SLC33A1: variants seen among roughly 807,000 people sequenced by gnomAD.
SLC33A1 encodes the protein acetyl-coenzyme A transporter 1.
Under a neutral mutation model 50.0 loss-of-function variants are expected in SLC33A1, and 20 were observed. The observed-to-expected ratio is 0.40, with a 90% CI of 0.28 to 0.58. SLC33A1 has a LOEUF of 0.58. SLC33A1 is among the 20% of genes least tolerant of loss of function. SLC33A1 has a pLI of 0.44. For missense variants in SLC33A1, 476 were observed against 657.0 expected (o/e 0.72, Z 3.01); for synonymous variants, 265 against 251.8 (o/e 1.05, Z -0.50).
chr3:155,834,756 G>A (rs1752583551), intron 2 of SLC33A1, among the ~76,000 whole-genome samples: 1 of 152,084 alleles, frequency 6.6e-6, no homozygotes, highest in South Asian at 2.1e-4. Context: ...ACATGATATG[G>A]CTTTCAGTAT....
chr3:155,831,712 A>G (rs1295901530), intron 4 of SLC33A1, among the ~76,000 whole-genome samples: 1 of 152,112 alleles, frequency 6.6e-6, no homozygotes, highest in African/African-American at 2.4e-5. Context: ...TTGACTAGTT[A>G]AAGTATTTCT....
chr3:155,830,230 G>A (rs987524819), intron 4 of SLC33A1, among the ~76,000 whole-genome samples: 44 of 151,214 alleles, frequency 2.9e-4, no homozygotes, highest in African/African-American at 2.4e-4. Context: ...AAAAATAGCC[G>A]GATGTGGTGG....
intron 5 of SLC33A1, 43 bp downstream of exon 5, chr3:155,829,645 C>A (rs755936101): frequency 1.5e-6 from 2 of 1,319,986 alleles, no homozygotes; most frequent in Non-Finnish European, 2.2e-6. Context: ...ATATTAATAT[C>A]TTAGTATTAG....
intron 1 of SLC33A1, among the ~76,000 whole-genome samples, chr3:155,848,128 G>T (rs6790836): frequency 0.2 from 30,102 of 152,048 alleles, 7,589 homozygotes; most frequent in African/African-American, 0.58. Flanking sequence ...GATGATAGAT[G>T]AGACAGATTT....
chr3:155,842,337 T>C, intron 2 of SLC33A1, 95 bp downstream of exon 2: 2 of 715,384 alleles, frequency 2.8e-6, no homozygotes, highest in South Asian at 3.5e-5. Flanking sequence ...CTAATGGTAG[T>C]GGAAAGGGAC....
At chr3:155,834,444 A>G (rs1331046221) in intron 2 of SLC33A1, among the ~76,000 whole-genome samples, 2 of 152,164 alleles carry the variant, frequency 1.3e-5, no homozygotes, top group African/African-American at 4.8e-5. Context: ...CTGCCAATAT[A>G]TATATACATT....
intron 1 of SLC33A1, among the ~76,000 whole-genome samples, chr3:155,844,457 A>ATTTTTT (rs869180951): frequency 3.0e-5 from 1 of 33,590 alleles, no homozygotes; most frequent in Non-Finnish European, 5.8e-5. Flanking sequence ...ATATATATAT[A>ATTTTTT]TTTTTTTTTT....
In SLC33A1 at chr3:155,838,603, C is replaced by G. The variant is rs191811400; in HGVS notation, c.963+3829G>C. The stretch of plus-strand genomic sequence containing the variant: ...GGCTGAGGCAGGAGAATTGCTTGAA[C>G]CCGGGAGGAGGAGGTTGCAGTGAGC... On this transcript the variant is annotated intron_variant, in intron 2 of 5. Transcript: ENST00000643144. 8.2e-3 allele frequency among the ~76,000 whole-genome samples: 1,239 copies of G among 150,900 alleles called. 9 individuals carry two copies. Among genetic ancestry groups the G allele is most frequent in the Non-Finnish European group, 0.015 (993 of 67,714 alleles).
chr3:155,839,300 C>CAAAAA (rs550171374), intron 2 of SLC33A1, among the ~76,000 whole-genome samples: 1 of 25,702 alleles, frequency 3.9e-5, no homozygotes, highest in Non-Finnish European at 1.6e-4. Context: ...AACTCCGCCT[C>CAAAAA]AAAAAAAAAA....
chr3:155,839,512 C>G (rs761085354), intron 2 of SLC33A1, among the ~76,000 whole-genome samples: 1 of 150,964 alleles, frequency 6.6e-6, no homozygotes, highest in Non-Finnish European at 1.5e-5. Flanking sequence ...AATGAGATTA[C>G]GGAAAATTTA....
chr3:155,848,095 A>G (rs1270710892), intron 1 of SLC33A1, among the ~76,000 whole-genome samples: 1 of 152,180 alleles, frequency 6.6e-6, no homozygotes, highest in African/African-American at 2.4e-5. Flanking sequence ...GAAGACATAG[A>G]TTAGATAGAT....
Position 155,853,677 on chromosome 3 carries a change from T to A in SLC33A1, c.321A>T (p.Thr107=). ...AGACAAAACTGAAGAAAGCTTGGTC[T>A]GTATAGCTAACATTTTTGCTTTGCA... ...LILQSKNVSY[T]DQAFFSFVFW... Residue 107 remains threonine, a synonymous_variant, in exon 1 of 6, where the codon ACA becomes ACT. Coordinates refer to ENST00000643144, the MANE Select transcript of SLC33A1 (RefSeq NM_004733.4). 1 of 1,614,192 alleles carries A rather than the reference T, an allele frequency of 6.2e-7. No individual in the cohort carries two copies. The highest frequency in any genetic ancestry group is 8.5e-7 in the Non-Finnish European group (1 of 1,180,028).
intron 1 of SLC33A1, 140 bp downstream of exon 1, chr3:155,853,083 C>G: frequency 1.4e-6 from 1 of 735,162 alleles, no homozygotes; most frequent in Non-Finnish European, 2.3e-6. Flanking sequence ...CAAAGAAGCT[C>G]ATTTGGACGA....
At chr3:155,836,012 C>T (rs973302619) in intron 2 of SLC33A1, among the ~76,000 whole-genome samples, 3 of 151,312 alleles carry the variant, frequency 2.0e-5, no homozygotes, top group East Asian at 1.9e-4. Context: ...AGGCCAGACG[C>T]GGTGGCTCAT....
intron 5 of SLC33A1, among the ~76,000 whole-genome samples, chr3:155,828,889 C>T (rs1752294135): frequency 6.8e-6 from 1 of 147,092 alleles, no homozygotes; most frequent in African/African-American, 2.6e-5. Context: ...CATACCCAGC[C>T]GAATATGTTT....
At position 155,827,042 on chromosome 3, in the gene SLC33A1, G is replaced by A. The variant is rs1207139616; in HGVS notation, c.*1168C>T. ...AAGTACTCAAAAGCTTAATTTTCTT[G>A]GAATAGCAACTGTCCACTGAAAACT... On this transcript the variant is annotated 3_prime_UTR_variant, in exon 6 of 6. Coordinates refer to ENST00000643144, the MANE Select transcript of SLC33A1 (RefSeq NM_004733.4). 3.9e-5 allele frequency: 6 copies of A among 152,148 alleles called. No homozygotes were observed. In the East Asian group the frequency reaches 1.2e-3, roughly 29 times the overall value. The allele number at this position is 152,148 out of a possible 1,614,324, so 9.4% of individuals were successfully genotyped here.
rs1250149224 is a variant in SLC33A1 at position 155,821,444 on chromosome 3, A to G, written c.*6766T>C. On this transcript the variant is annotated 3_prime_UTR_variant, in exon 6 of 6. Coordinates refer to ENST00000643144, the MANE Select transcript of SLC33A1 (RefSeq NM_004733.4). ...TCACCAATATAATTTGACAGTGGTA[A>G]TTTATCAATTTACCAAATATGCCAC... is the stretch of plus-strand genomic sequence containing the variant. The G allele has an allele frequency of 6.6e-6, 1 of 152,176 alleles. No homozygotes were observed. Among genetic ancestry groups the G allele is most frequent in the African/African-American group, 2.4e-5 (1 of 41,440 alleles). The allele number at this position is 152,176 out of a possible 1,614,324, so 9.4% of individuals were successfully genotyped here.
At chr3:155,844,000 G>A (rs1753028131) in intron 1 of SLC33A1, among the ~76,000 whole-genome samples, 1 of 152,030 alleles carries the variant, frequency 6.6e-6, no homozygotes, top group Non-Finnish European at 1.5e-5. Flanking sequence ...TTATTTTATG[G>A]TGTATGTGGC....
chr3:155,843,155 T>G (rs1415394079), intron 1 of SLC33A1, among the ~76,000 whole-genome samples: 1 of 151,970 alleles, frequency 6.6e-6, no homozygotes, highest in Non-Finnish European at 1.5e-5. Flanking sequence ...CAGGGGGTGG[T>G]GAGACATTAC....
Sources: allele counts gnomAD v4.1 joint callset (sites outside exome capture counted in the v4.1 genomes callset), GRCh38; gene constraint gnomAD v4.1.1; transcripts MANE v1.5; gene names NCBI Gene and HGNC (gene_info 2026-07-23, HGNC 2026-07-21).